The following GRIK1 variants were observed in gnomAD, a reference collection of about 807,000 sequenced individuals.
GRIK1 encodes the protein glutamate ionotropic receptor kainate type subunit 1.
In GRIK1, 69 loss-of-function variants were observed where a neutral mutation model predicts 105.7. The ratio of observed to expected loss-of-function variants is 0.65; its 90% CI spans 0.54 to 0.80. The LOEUF (loss-of-function observed/expected upper bound fraction) is 0.80. GRIK1 is among the 30% of genes least tolerant of loss of function. The pLI, the probability that GRIK1 is intolerant of heterozygous loss-of-function variation, is 0.00. For synonymous variants in GRIK1, 438 were observed against 431.3 expected (o/e 1.02, Z -0.19); for missense variants, 1,109 against 1,167.3 (o/e 0.95, Z 0.73).
chr21:29,795,715 A>T (rs1226528239), intron 1 of GRIK1, among the ~76,000 whole-genome samples: 1 of 152,232 alleles, frequency 6.6e-6, no homozygotes, highest in African/African-American at 2.4e-5. Context: ...CACAGAAATA[A>T]CTTTTGATGA....
intron 1 of GRIK1, among the ~76,000 whole-genome samples, chr21:29,783,230 T>C (rs1315548387): frequency 6.6e-6 from 1 of 152,192 alleles, no homozygotes; most frequent in Non-Finnish European, 1.5e-5. Context: ...GCAAATATTT[T>C]TCTATTACAA....
At chr21:29,766,981 T>C (rs1372234073) in intron 1 of GRIK1, among the ~76,000 whole-genome samples, 1 of 152,152 alleles carries the variant, frequency 6.6e-6, no homozygotes, top group Non-Finnish European at 1.5e-5. Flanking sequence ...CATTTAGTAG[T>C]AAAATAGGAG....
At chr21:29,707,124 G>A (rs1472517015) in intron 1 of GRIK1, among the ~76,000 whole-genome samples, 4 of 151,624 alleles carry the variant, frequency 2.6e-5, no homozygotes, top group African/African-American at 7.3e-5. Flanking sequence ...TCGGCCTCCC[G>A]AAGTGCTGGG....
At chr21:29,737,540 T>G (rs2064824225) in intron 1 of GRIK1, among the ~76,000 whole-genome samples, 1 of 152,236 alleles carries the variant, frequency 6.6e-6, no homozygotes, top group African/African-American at 2.4e-5. Flanking sequence ...GCACATCAGT[T>G]AGAGCCTTCT....
chr21:29,889,322 T>G (rs2069803980), intron 1 of GRIK1, among the ~76,000 whole-genome samples: 1 of 152,180 alleles, frequency 6.6e-6, no homozygotes, highest in African/African-American at 2.4e-5. Context: ...AACATATTTG[T>G]CCTTCTTTCC....
In GRIK1 at chr21:29,928,123, T is replaced by C. The variant is rs547275191; in HGVS notation, c.118+11260A>G. On this transcript the variant is annotated intron_variant, in intron 1 of 17. Coordinates refer to ENST00000327783, the MANE Select transcript of GRIK1 (RefSeq NM_001330994.2). ...AGAGTTGATGAGCTAAGAAAAAAGT[T>C]TGGGCATAATTTTCATATCTGCCAC... 5.8e-4 allele frequency among the ~76,000 whole-genome samples: 88 copies of C among 152,242 alleles called. 1 individual carries two copies. The highest frequency in any genetic ancestry group is 1.4e-3 in the East Asian group (7 of 5,170).
In GRIK1 at chr21:29,785,276, A is replaced by G. The variant is rs1344536608; in HGVS notation, c.119-91213T>C. Among the ~76,000 whole-genome samples the G allele has an allele frequency of 4.6e-5, 7 of 152,276 alleles. No homozygotes were observed. The East Asian group carries it at 1.4e-3, about 29-fold the overall frequency. On this transcript the variant is annotated intron_variant, in intron 1 of 17. Transcript: ENST00000327783. Reference sequence around the variant, plus strand: ...ATTTATTTTGACTTTTAAAAACGCTACTTCAGGCTGAGTGTGGTGGCTCAT... The same window carrying G: ...ATTTATTTTGACTTTTAAAAACGCTGCTTCAGGCTGAGTGTGGTGGCTCAT...
At position 29,735,787 on chromosome 21, in the gene GRIK1, C is replaced by A. The variant is rs1006340929; in HGVS notation, c.119-41724G>T. ...TAGCATGCACCTGTAGTCCCAGCTACTTGGGAGGCTGATCGCGCCACTGCA... is the reference window on the plus strand; with the variant it reads ...TAGCATGCACCTGTAGTCCCAGCTAATTGGGAGGCTGATCGCGCCACTGCA... On this transcript the variant is annotated intron_variant, in intron 1 of 17. Coordinates refer to ENST00000327783, the MANE Select transcript of GRIK1 (RefSeq NM_001330994.2). 8.1e-5 allele frequency among the ~76,000 whole-genome samples: 12 copies of A among 148,140 alleles called. No homozygotes were observed. The East Asian group carries it at 2.4e-3, about 30-fold the overall frequency.
At chr21:29,605,223 G>A (rs115624089) in intron 7 of GRIK1, among the ~76,000 whole-genome samples, 6 of 152,078 alleles carry the variant, frequency 3.9e-5, no homozygotes, top group South Asian at 2.1e-4. Flanking sequence ...TCCCCTGTCC[G>A]CATCTCTGAC....
Position 29,565,981 on chromosome 21 carries a change from C to T in GRIK1, c.2131-4132G>A, listed in dbSNP as rs115880121. On this transcript the variant is annotated intron_variant, in intron 14 of 17. Coordinates refer to ENST00000327783, the MANE Select transcript of GRIK1 (RefSeq NM_001330994.2). The stretch of plus-strand genomic sequence containing the variant: ...GCAGAGTTCTGTCCGCTGCATGCCA[C>T]GCTCAGTAATGTTTATTTTTTGTTA... Among the ~76,000 whole-genome samples the T allele has an allele frequency of 8.3e-3, 1,263 of 152,254 alleles. 16 individuals are homozygous for T. Among genetic ancestry groups the T allele is most frequent in the African/African-American group, 0.028 (1,179 of 41,528 alleles).
Position 29,920,268 on chromosome 21 carries a change from T to A in GRIK1, c.118+19115A>T, listed in dbSNP as rs372808910. Reference sequence around the variant, plus strand: ...AAATTTAACTTGAGGAATAGTTTCATTTTCCCATTATTAGAAAGGGCTACT... The same window carrying A: ...AAATTTAACTTGAGGAATAGTTTCAATTTCCCATTATTAGAAAGGGCTACT... On this transcript the variant is annotated intron_variant, in intron 1 of 17. Transcript: ENST00000327783. 1.3e-4 allele frequency among the ~76,000 whole-genome samples: 20 copies of A among 152,162 alleles called. No individual in the cohort carries two copies. In the East Asian group the frequency reaches 1.7e-3, roughly 13 times the overall value.
At chr21:29,935,593 T>C (rs1257680626) in intron 1 of GRIK1, among the ~76,000 whole-genome samples, 3 of 152,190 alleles carry the variant, frequency 2.0e-5, no homozygotes, top group African/African-American at 4.8e-5. Flanking sequence ...AAGGTAATGA[T>C]TGGCATAAAA....
chr21:29,894,254 G>A (rs2070022397), intron 1 of GRIK1, among the ~76,000 whole-genome samples: 1 of 152,134 alleles, frequency 6.6e-6, no homozygotes, highest in African/African-American at 2.4e-5. Context: ...TGAGGAACGA[G>A]GAAGCCAGTG....
chr21:29,839,393 A>G (rs2067911821), intron 1 of GRIK1, among the ~76,000 whole-genome samples: 1 of 152,200 alleles, frequency 6.6e-6, no homozygotes, highest in African/African-American at 2.4e-5. Flanking sequence ...TTGTCCATAA[A>G]GTTACTCAAA....
chr21:29,569,744 G>C (rs1601142982), intron 14 of GRIK1, among the ~76,000 whole-genome samples: 1 of 152,264 alleles, frequency 6.6e-6, no homozygotes, highest in South Asian at 2.1e-4. Flanking sequence ...CACTATCACT[G>C]TGAGACCACA....
chr21:29,771,247 G>T (rs1332732928), intron 1 of GRIK1, among the ~76,000 whole-genome samples: 3 of 152,120 alleles, frequency 2.0e-5, no homozygotes, highest in Admixed American at 6.5e-5. Context: ...TACTATGGCT[G>T]CCCTAAAAAC....
intron 14 of GRIK1, among the ~76,000 whole-genome samples, chr21:29,567,195 T>C (rs2090630959): frequency 6.6e-6 from 1 of 152,236 alleles, no homozygotes. Flanking sequence ...GCTTTTCATA[T>C]AGTTTCACTG....
At chr21:29,865,823 T>C in intron 1 of GRIK1, among the ~76,000 whole-genome samples, 1 of 152,216 alleles carries the variant, frequency 6.6e-6, no homozygotes. Flanking sequence ...TTTTCACAAA[T>C]CTATAGTGTG....
intron 1 of GRIK1, among the ~76,000 whole-genome samples, chr21:29,860,470 G>A (rs1372413322): frequency 1.3e-5 from 2 of 152,224 alleles, no homozygotes; most frequent in Non-Finnish European, 2.9e-5. Flanking sequence ...CCTCATCTTA[G>A]ATCTGCAAGC....
Sources: gnomAD v4.1 joint callset for allele counts (sites outside exome capture counted in the v4.1 genomes callset) on GRCh38, gnomAD v4.1.1 for gene constraint, MANE v1.5 for transcripts, NCBI Gene and HGNC (gene_info 2026-07-23, HGNC 2026-07-21) for gene names.